HNF4A: variants seen among roughly 807,000 people sequenced by gnomAD.
The protein encoded by HNF4A is hepatocyte nuclear factor 4 alpha.
Under a neutral mutation model 52.4 loss-of-function variants are expected in HNF4A, and 15 were observed. That is an observed-to-expected ratio of 0.29 (90% CI 0.19 to 0.44). HNF4A has a LOEUF of 0.44. Among genes scored for constraint, HNF4A ranks in the 20% least tolerant of loss-of-function variants. The pLI, the probability that HNF4A is intolerant of heterozygous loss-of-function variation, is 1.00. For missense variants in HNF4A, 479 were observed against 647.2 expected, an observed-to-expected ratio of 0.74 and a Z score of 2.82; for synonymous variants, 280 against 264.4, an observed-to-expected ratio of 1.06 and a Z score of -0.57.
At chr20:44,369,793 C>A (rs1469119762) in intron 1 of HNF4A, among the ~76,000 whole-genome samples, 1 of 151,946 alleles carries the variant, frequency 6.6e-6, no homozygotes. Flanking sequence ...TGTCACCATG[C>A]CCAGCAATTT....
intron 1 of HNF4A, among the ~76,000 whole-genome samples, chr20:44,361,195 T>A (rs1349744028): frequency 6.6e-6 from 1 of 152,154 alleles, no homozygotes; most frequent in Non-Finnish European, 1.5e-5. Flanking sequence ...GGAAACTTTT[T>A]AAAACAATTT....
chr20:44,395,543 T>C (rs1231180428), intron 1 of HNF4A: 6 of 152,028 alleles, frequency 3.9e-5, no homozygotes, highest in Admixed American at 3.9e-4. Context: ...TCCAGTGGGG[T>C]GGCTGTGGCT....
At chr20:44,401,524 G>C in intron 1 of HNF4A, 1 of 1,613,034 alleles carries the variant, frequency 6.2e-7, no homozygotes, top group Non-Finnish European at 8.5e-7. Context: ...GTGCCAGTGG[G>C]GGCAGGTGTG....
chr20:44,383,053 C>A (rs2063175094), intron 1 of HNF4A, among the ~76,000 whole-genome samples: 1 of 152,086 alleles, frequency 6.6e-6, no homozygotes, highest in Admixed American at 6.6e-5. Context: ...CATGTAGTCC[C>A]AGCTACTCTG....
In HNF4A at chr20:44,413,621, C is replaced by T; in HGVS notation, c.386-73C>T. On this transcript the variant is annotated intron_variant, in intron 3 of 9. Transcript: ENST00000316099. ...CCCCCCACCTCCTGCTCCCACTCCT[C>T]ATCAGTCACAGACACCCCCACCCCC... 5 of 1,065,054 alleles carry T rather than the reference C, an allele frequency of 4.7e-6. No homozygotes were observed. The South Asian group carries it at 5.3e-5, about 11-fold the overall frequency. The allele number at this position is 1,065,054 out of a possible 1,614,324, so 66.0% of individuals were successfully genotyped here.
chr20:44,410,821 A>G (rs1322071249), intron 3 of HNF4A, among the ~76,000 whole-genome samples: 4 of 151,970 alleles, frequency 2.6e-5, no homozygotes, highest in East Asian at 3.9e-4. Flanking sequence ...GCAGACACCA[A>G]GCTCCCTGGA....
chr20:44,418,610 G>A, intron 6 of HNF4A, 98 bp downstream of exon 6: 4 of 925,038 alleles, frequency 4.3e-6, no homozygotes, highest in South Asian at 1.4e-5. Flanking sequence ...ATGCAAGGGT[G>A]AGGGAGACTA....
At position 44,413,732 on chromosome 20, in the gene HNF4A, T is replaced by G; in HGVS notation, c.424T>G (p.Ser142Ala). The change falls in exon 4 of 10, where the codon TCA (serine) becomes GCA (alanine). Residue 142 changes from serine (S) to alanine (A), a missense_variant. Physicochemically the swap from Ser to Ala is moderately conservative, Grantham distance 99. This residue lies in a region of HNF4A where 389 missense variants were observed against 525.1 expected (regional missense o/e 0.74). Transcript: ENST00000316099. ...GCGGGACCGGATCAGCACTCGAAGGTCAAGCTATGAGGACAGCAGCCTGCC... is the reference window on the plus strand; with the variant it reads ...GCGGGACCGGATCAGCACTCGAAGGGCAAGCTATGAGGACAGCAGCCTGCC... 2 of 1,613,310 alleles carry G rather than the reference T, an allele frequency of 1.2e-6. No individual in the cohort carries two copies. Among genetic ancestry groups the G allele is most frequent in the Non-Finnish European group, 1.7e-6 (2 of 1,179,856 alleles).
intron 1 of HNF4A, among the ~76,000 whole-genome samples, chr20:44,360,391 G>A (rs559601091): frequency 6.6e-6 from 1 of 152,250 alleles, no homozygotes; most frequent in African/African-American, 2.4e-5. Flanking sequence ...TTAATAAAAA[G>A]ATGTTATGGG....
At chr20:44,423,839 G>C (rs2063780402) in intron 7 of HNF4A, among the ~76,000 whole-genome samples, 179 bp from the exon 8 acceptor site, 1 of 152,224 alleles carries the variant, frequency 6.6e-6, no homozygotes, top group Non-Finnish European at 1.5e-5. Context: ...TTTTCTGCCT[G>C]TGTCTAGGAA....
At chr20:44,383,006 A>G (rs2063174316) in intron 1 of HNF4A, among the ~76,000 whole-genome samples, 1 of 152,116 alleles carries the variant, frequency 6.6e-6, no homozygotes, top group Admixed American at 6.5e-5. Flanking sequence ...CCATATCTAC[A>G]AAATATAGAA....
intron 1 of HNF4A, among the ~76,000 whole-genome samples, chr20:44,382,604 T>C (rs1488319989): frequency 1.3e-5 from 2 of 152,170 alleles, no homozygotes; most frequent in Non-Finnish European, 2.9e-5. Context: ...CATATTAAAA[T>C]GAAAACTAAA....
intron 1 of HNF4A, among the ~76,000 whole-genome samples, chr20:44,356,511 C>G (rs2062860414): frequency 6.6e-6 from 1 of 152,066 alleles, no homozygotes; most frequent in African/African-American, 2.4e-5. Context: ...GTAAATAAAG[C>G]GTGAGACGTC....
intron 4 of HNF4A, 60 bp from the exon 5 acceptor site, chr20:44,414,447 G>A: frequency 1.2e-6 from 2 of 1,610,590 alleles, no homozygotes; most frequent in Non-Finnish European, 1.7e-6. Context: ...CTGTGCAGGG[G>A]ACAGAGAGTG....
intron 3 of HNF4A, chr20:44,408,169 ATGT>A (rs966128643): frequency 1.9e-5 from 3 of 157,248 alleles, no homozygotes; most frequent in African/African-American, 4.8e-5. Context: ...ATATGGGAAA[ATGT>A]TGTGAAAATG....
chr20:44,428,408 C>T lies in HNF4A; in HGVS notation c.1203C>T (p.Asn401=), dbSNP rs61737145. The T allele has an allele frequency of 5.7e-3, 9,194 of 1,614,170 alleles. 34 individuals carry two copies. Among genetic ancestry groups the T allele is most frequent in the Non-Finnish European group, 6.9e-3 (8,086 of 1,180,012 alleles). The change falls in exon 9 of 10, where the codon AAC becomes AAT. Residue 401 remains asparagine, a synonymous_variant. Coordinates refer to ENST00000316099, the MANE Select transcript of HNF4A (RefSeq NM_000457.6). ...TGATGCAGGAACATATGGGAACCAA[C>T]GTCATCGTTGCCAACACAATGCCCA...
intron 8 of HNF4A, chr20:44,424,642 G>T (rs1001344267): frequency 5.1e-6 from 7 of 1,367,542 alleles, no homozygotes; most frequent in Non-Finnish European, 6.6e-6. Context: ...TAATATGATA[G>T]AGTTTAACTG....
At chr20:44,405,296 A>C (rs2063485649) in intron 1 of HNF4A, among the ~76,000 whole-genome samples, 1 of 151,990 alleles carries the variant, frequency 6.6e-6, no homozygotes, top group East Asian at 1.9e-4. Context: ...TAAATTTTTT[A>C]AATTTGGAAA....
Position 44,401,317 on chromosome 20 carries a change from C to A in HNF4A, c.-56C>A. On this transcript the variant is annotated 5_prime_UTR_variant, in exon 1 of 10. Coordinates refer to ENST00000316099, the MANE Select transcript of HNF4A (RefSeq NM_000457.6). ...GCAGTGGGAGGGCGGAGGGCGGGGG[C>A]CTTCGGGGTGGGCGCCCAGGGTAGG... 1 of 1,611,820 alleles carries A rather than the reference C, an allele frequency of 6.2e-7. No homozygotes were observed. Among genetic ancestry groups the A allele is most frequent in the Non-Finnish European group, 8.5e-7 (1 of 1,179,430 alleles).
Sources: allele counts gnomAD v4.1 joint callset (sites outside exome capture counted in the v4.1 genomes callset), GRCh38; gene constraint gnomAD v4.1.1; regional missense constraint gnomAD v4.1.1; transcripts MANE v1.5; gene names NCBI Gene and HGNC (gene_info 2026-07-23, HGNC 2026-07-21).